FRMD4A: variants seen among roughly 807,000 people sequenced by gnomAD.
FRMD4A encodes FERM domain-containing protein 4A.
In FRMD4A, 29 loss-of-function variants were observed where a neutral mutation model predicts 129.1. The observed-to-expected ratio is 0.22, with a 90% confidence interval of 0.17 to 0.31. FRMD4A has a LOEUF of 0.31. Among genes scored for constraint, FRMD4A ranks in the 10% least tolerant of loss-of-function variants. FRMD4A has a pLI of 1.00. For missense variants in FRMD4A, 1,272 were observed against 1,375.8 expected (o/e 0.92, Z 1.19); for synonymous variants, 634 against 571.6 (o/e 1.11, Z -1.56).
At chr10:13,807,199 C>T (rs562159778) in intron 4 of FRMD4A, among the ~76,000 whole-genome samples, 1 of 152,158 alleles carries the variant, frequency 6.6e-6, no homozygotes, top group Non-Finnish European at 1.5e-5. Context: ...GCATGTATCA[C>T]CACGATTCAG....
intron 8 of FRMD4A, among the ~76,000 whole-genome samples, chr10:13,755,753 T>A (rs540819602): frequency 1.4e-4 from 22 of 152,348 alleles, no homozygotes; most frequent in African/African-American, 5.3e-4. Flanking sequence ...ACACTAAGAT[T>A]TCTTAGCCGA....
intron 3 of FRMD4A, among the ~76,000 whole-genome samples, chr10:13,818,647 C>G (rs146424502): frequency 1.8e-4 from 28 of 152,230 alleles, no homozygotes; most frequent in African/African-American, 6.3e-4. Context: ...AGGTAAGTTA[C>G]TAAACCTCTC....
intron 2 of FRMD4A, among the ~76,000 whole-genome samples, chr10:13,931,950 A>G (rs55722620): frequency 8.0e-6 from 1 of 124,638 alleles, no homozygotes; most frequent in Non-Finnish European, 1.8e-5. Flanking sequence ...CTCTGTCTCA[A>G]AAACCAACCA....
intron 4 of FRMD4A, among the ~76,000 whole-genome samples, chr10:13,799,704 T>C: frequency 6.6e-6 from 1 of 152,248 alleles, no homozygotes; most frequent in East Asian, 1.9e-4. Flanking sequence ...ACTGGAGAAC[T>C]GTCTCTCCAT....
intron 2 of FRMD4A, among the ~76,000 whole-genome samples, chr10:14,317,230 C>T (rs1337697351): frequency 6.6e-6 from 1 of 152,160 alleles, no homozygotes; most frequent in Non-Finnish European, 1.5e-5. Context: ...GAAGACATTT[C>T]GTGTCTGCCC....
intron 2 of FRMD4A, among the ~76,000 whole-genome samples, chr10:13,878,578 C>G (rs756128906): frequency 6.6e-6 from 1 of 151,944 alleles, no homozygotes; most frequent in African/African-American, 2.4e-5. Context: ...CATGGCAAAA[C>G]GTTGTCTCTA....
At chr10:13,810,120 C>T (rs1260718763) in intron 4 of FRMD4A, among the ~76,000 whole-genome samples, 9 of 152,100 alleles carry the variant, frequency 5.9e-5, no homozygotes, top group East Asian at 1.9e-4. Context: ...TGTGACTGTA[C>T]GTGTGTGCAC....
intron 2 of FRMD4A, among the ~76,000 whole-genome samples, chr10:14,001,593 C>T (rs1424562251): frequency 6.6e-6 from 1 of 152,194 alleles, no homozygotes; most frequent in African/African-American, 2.4e-5. Flanking sequence ...CTTAACATGA[C>T]ATAAGCTGCT....
At chr10:14,119,832 A>G (rs1838400175) in intron 2 of FRMD4A, among the ~76,000 whole-genome samples, 1 of 152,140 alleles carries the variant, frequency 6.6e-6, no homozygotes, top group Non-Finnish European at 1.5e-5. Flanking sequence ...CTGAGGGAAT[A>G]TGTGGAATGT....
At chr10:14,289,487 T>C (rs1012809779) in intron 2 of FRMD4A, among the ~76,000 whole-genome samples, 1 of 152,180 alleles carries the variant, frequency 6.6e-6, no homozygotes, top group Admixed American at 6.5e-5. Context: ...TCATTATCTA[T>C]TTGCAATTCA....
chr10:14,074,823 C>T (rs1296468168), intron 2 of FRMD4A: 2 of 152,102 alleles, frequency 1.3e-5, no homozygotes, highest in Admixed American at 1.3e-4. Flanking sequence ...AGAGGATAAC[C>T]CTGGTAAGCC....
intron 3 of FRMD4A, among the ~76,000 whole-genome samples, chr10:13,853,016 G>A (rs190254143): frequency 3.9e-5 from 6 of 152,140 alleles, no homozygotes; most frequent in African/African-American, 7.2e-5. Flanking sequence ...TCATAGGGAC[G>A]CTTTGTTCCT....
At chr10:13,855,050 G>T (rs1241115390) in intron 3 of FRMD4A, among the ~76,000 whole-genome samples, 1 of 152,150 alleles carries the variant, frequency 6.6e-6, no homozygotes, top group Non-Finnish European at 1.5e-5. Context: ...CCCCTACTGT[G>T]AGTAACGTAT....
At chr10:13,673,224 C>T (rs577259356) in intron 16 of FRMD4A, among the ~76,000 whole-genome samples, 14 of 152,262 alleles carry the variant, frequency 9.2e-5, no homozygotes, top group Admixed American at 5.2e-4. Context: ...TATCACATAG[C>T]GCATTCCCCA....
At chr10:13,746,767 G>A (rs1271377228) in intron 9 of FRMD4A, among the ~76,000 whole-genome samples, 1 of 152,164 alleles carries the variant, frequency 6.6e-6, no homozygotes, top group African/African-American at 2.4e-5. Flanking sequence ...CAGAGAAGAG[G>A]TATTACAGTT....
In FRMD4A at chr10:13,660,560, AAAGACAGG is replaced by A; in HGVS notation, c.1661-15_1661-8del. On this transcript the variant is annotated splice_region_variant and splice_polypyrimidine_tract_variant and intron_variant, in intron 19 of 24. Transcript: ENST00000357447. Reference sequence around the variant, plus strand: ...CTGGTAACCTGAGAGTCTTCTGCACAAAGACAGGAAGAGAGGAACTGAGCCCCGGTCAT... The same window carrying A: ...CTGGTAACCTGAGAGTCTTCTGCACAAAGAGAGGAACTGAGCCCCGGTCAT... 6.4e-7 allele frequency: 1 copy of A among 1,550,900 alleles called. No individual in the cohort carries two copies. The highest frequency in any genetic ancestry group is 8.9e-7 in the Non-Finnish European group (1 of 1,128,204).
Position 14,257,454 on chromosome 10 carries a change from T to C in FRMD4A, c.45+72604A>G, listed in dbSNP as rs1385531699. On this transcript the variant is annotated intron_variant, in intron 2 of 24. Transcript: ENST00000357447. ...CAAATCACAGAGTATAAGCTATGTA[T>C]ATGGTCAGTGGATTTTTAGCAAAGG... 3.3e-5 allele frequency among the ~76,000 whole-genome samples: 5 copies of C among 152,170 alleles called. No homozygotes were observed. In the South Asian group the frequency reaches 6.2e-4, roughly 19 times the overall value.
In FRMD4A at chr10:14,161,427, A is replaced by G. The variant is rs553778857; in HGVS notation, c.45+168631T>C. Among the ~76,000 whole-genome samples, 9 of 152,370 alleles carry G rather than the reference A, an allele frequency of 5.9e-5. No homozygotes were observed. The East Asian group carries it at 1.3e-3, about 23-fold the overall frequency. ...CGATATGAAATCAACCTGAGTGTCCATCAGTGGATGAATATATAAAGAAAA... is the reference window on the plus strand; with the variant it reads ...CGATATGAAATCAACCTGAGTGTCCGTCAGTGGATGAATATATAAAGAAAA... On this transcript the variant is annotated intron_variant, in intron 2 of 24. Coordinates refer to ENST00000357447, the MANE Select transcript of FRMD4A (RefSeq NM_018027.5).
chr10:14,024,173 C>G (rs1315872719), intron 2 of FRMD4A, among the ~76,000 whole-genome samples: 8 of 152,228 alleles, frequency 5.3e-5, no homozygotes, highest in African/African-American at 1.9e-4. Context: ...GCCACTCAGG[C>G]ACTGAGGAAC....
Sources: gnomAD v4.1 joint callset for allele counts (sites outside exome capture counted in the v4.1 genomes callset) on GRCh38, gnomAD v4.1.1 for gene constraint, MANE v1.5 for transcripts, NCBI Gene and HGNC (gene_info 2026-07-23, HGNC 2026-07-21) for gene names.